Variants in KIF26B observed in about 807,000 individuals in gnomAD.
The protein encoded by KIF26B is kinesin family member 26B.
A neutral mutation model predicts 151.2 loss-of-function variants in KIF26B; 63 were observed. That is an observed-to-expected ratio of 0.42 (90% CI 0.34 to 0.51). KIF26B has a LOEUF of 0.51. KIF26B is among the 20% of genes least tolerant of loss of function. KIF26B has a pLI of 0.07. For missense variants in KIF26B, 2,813 were observed against 2,913.6 expected (o/e 0.97, Z 0.79); for synonymous variants, 1,357 against 1,262.1 (o/e 1.08, Z -1.59).
At chr1:245,208,753 G>T (rs1669455891) in intron 2 of KIF26B, among the ~76,000 whole-genome samples, 1 of 152,138 alleles carries the variant, frequency 6.6e-6, no homozygotes, top group Non-Finnish European at 1.5e-5. Flanking sequence ...GGGTTTCCAG[G>T]AGGGGATATA....
chr1:245,594,830 C>T (rs1199935602), intron 5 of KIF26B, among the ~76,000 whole-genome samples: 1 of 152,036 alleles, frequency 6.6e-6, no homozygotes, highest in Non-Finnish European at 1.5e-5. Context: ...TGTTTGTGTC[C>T]TCTCTTATTT....
chr1:245,461,428 C>T (rs1427892224), intron 4 of KIF26B, among the ~76,000 whole-genome samples: 1 of 152,042 alleles, frequency 6.6e-6, no homozygotes, highest in Non-Finnish European at 1.5e-5. Context: ...ATTACGATTG[C>T]ACCCCACCAT....
chr1:245,552,470 C>T (rs564479167), intron 5 of KIF26B, among the ~76,000 whole-genome samples: 21 of 152,018 alleles, frequency 1.4e-4, no homozygotes, highest in Non-Finnish European at 2.6e-4. Context: ...ATCTGAATAC[C>T]GGGGCCCAGC....
At chr1:245,443,207 A>G (rs1199597813) in intron 4 of KIF26B, among the ~76,000 whole-genome samples, 1 of 144,338 alleles carries the variant, frequency 6.9e-6, no homozygotes, top group African/African-American at 2.6e-5. Flanking sequence ...TAGAGCTGTC[A>G]TCTCCCTCAC....
chr1:245,444,432 C>T (rs1409360270), intron 4 of KIF26B, among the ~76,000 whole-genome samples: 2 of 152,242 alleles, frequency 1.3e-5, no homozygotes, highest in Non-Finnish European at 1.5e-5. Flanking sequence ...CCTACACCCG[C>T]CCCTCCTCCG....
intron 5 of KIF26B, among the ~76,000 whole-genome samples, chr1:245,585,811 A>G (rs888316842): frequency 6.6e-6 from 1 of 152,166 alleles, no homozygotes; most frequent in Admixed American, 6.5e-5. Flanking sequence ...ATTATCCTTC[A>G]TGCCAATCAC....
chr1:245,389,412 CA>C (rs533278303), intron 3 of KIF26B, among the ~76,000 whole-genome samples: 72 of 126,332 alleles, frequency 5.7e-4, no homozygotes, highest in Middle Eastern at 4.2e-3. Flanking sequence ...CACTCCTGGC[CA>C]AAAAAAAAAA....
chr1:245,477,076 A>C (rs1268173643), intron 4 of KIF26B, among the ~76,000 whole-genome samples: 1 of 151,812 alleles, frequency 6.6e-6, no homozygotes, highest in Non-Finnish European at 1.5e-5. Flanking sequence ...TGGCAAAATA[A>C]AGACTTTAGC....
intron 2 of KIF26B, among the ~76,000 whole-genome samples, chr1:245,294,772 C>T (rs930848279): frequency 2.0e-5 from 3 of 152,110 alleles, no homozygotes; most frequent in Non-Finnish European, 4.4e-5. Flanking sequence ...AAGCAATTCT[C>T]CTGTCTCAGC....
chr1:245,291,091 A>G (rs116004032), intron 2 of KIF26B, among the ~76,000 whole-genome samples: 2 of 152,264 alleles, frequency 1.3e-5, no homozygotes, highest in African/African-American at 4.8e-5. Context: ...GCAGGGCTGT[A>G]AGAAAGGGAG....
In KIF26B at chr1:245,597,436, A is replaced by C. The variant is rs2103141604; in HGVS notation, c.1351-5141A>C. On this transcript the variant is annotated intron_variant, in intron 5 of 14. Transcript: ENST00000407071. The surrounding 1 kb of genome is among the most constrained non-coding windows in gnomAD (Gnocchi z 4.6). ...AATTCTGGGTTGAAAATTCTTTAAG[A>C]GTGTTGACTATTGGCCCCCACCCTC... Among the ~76,000 whole-genome samples the C allele has an allele frequency of 6.6e-6, 1 of 152,118 alleles. No individual in the cohort carries two copies. The highest frequency in any genetic ancestry group is 1.9e-4 in the East Asian group (1 of 5,172).
At chr1:245,171,129 T>C (rs1235040096) in intron 2 of KIF26B, among the ~76,000 whole-genome samples, 1 of 152,224 alleles carries the variant, frequency 6.6e-6, no homozygotes, top group African/African-American at 2.4e-5. Context: ...TCCACGGACA[T>C]TGACAGGGTC....
intron 3 of KIF26B, among the ~76,000 whole-genome samples, chr1:245,390,943 A>AAAAACAAAACAAAACAAAACAAAAC (rs1553270126): frequency 8.4e-6 from 1 of 118,412 alleles, no homozygotes; most frequent in African/African-American, 4.1e-5. Context: ...AAAAAAAAAA[A>AAAAACAAAACAAAACAAAACAAAAC]AAAAAAAAAC....
intron 2 of KIF26B, among the ~76,000 whole-genome samples, chr1:245,253,154 C>A (rs556729784): frequency 6.6e-6 from 1 of 151,224 alleles, no homozygotes; most frequent in Non-Finnish European, 1.5e-5. Flanking sequence ...GGACTACAGG[C>A]GCCCACCACC....
intron 2 of KIF26B, among the ~76,000 whole-genome samples, chr1:245,286,184 T>C (rs1671162305): frequency 1.3e-5 from 2 of 152,034 alleles, no homozygotes; most frequent in Non-Finnish European, 2.9e-5. Context: ...TGTCACCTGG[T>C]CTCTGGGGGT....
intron 2 of KIF26B, among the ~76,000 whole-genome samples, chr1:245,200,433 T>A (rs1669277089): frequency 6.6e-6 from 1 of 152,212 alleles, no homozygotes; most frequent in Admixed American, 6.5e-5. Flanking sequence ...TTTTGGAATA[T>A]CATTAATGCA....
chr1:245,330,251 C>T (rs565461790), intron 2 of KIF26B, among the ~76,000 whole-genome samples: 29 of 149,204 alleles, frequency 1.9e-4, no homozygotes, highest in African/African-American at 6.2e-4. Flanking sequence ...CTTTTCCTAG[C>T]CAGGAGGGGC....
rs2044716081 is a variant in KIF26B, at chr1:245,698,004, T to C, written c.5825-102T>C. ...TGCAGTGAGCTATGGATCGCACCAC[T>C]GCACTCCAGCCTGGGCAACAGAGCA... On this transcript the variant is annotated intron_variant, in intron 12 of 14. Coordinates refer to ENST00000407071, the MANE Select transcript of KIF26B (RefSeq NM_018012.4). The surrounding 1 kb of genome is among the most constrained non-coding windows in gnomAD (Gnocchi z 4.0). 1.9e-6 allele frequency: 2 copies of C among 1,062,566 alleles called. No homozygotes were observed. The highest frequency in any genetic ancestry group is 3.2e-5 in the South Asian group (2 of 61,552). The allele number at this position is 1,062,566 out of a possible 1,614,324, so 65.8% of individuals were successfully genotyped here.
Position 245,425,438 on chromosome 1 carries a change from G to A in KIF26B, c.1166+5693G>A, listed in dbSNP as rs376026262. Among the ~76,000 whole-genome samples the A allele has an allele frequency of 8.3e-4, 126 of 152,082 alleles. 1 individual carries two copies. The South Asian group carries it at 0.024, about 29-fold the overall frequency. On this transcript the variant is annotated intron_variant, in intron 4 of 14. Transcript: ENST00000407071. ...TTTGTTTTTTTTGAGATGGAGTCTC[G>A]CTCTGTCGCCCAGGCTGGAGTGCAG...
Sources: allele counts gnomAD v4.1 joint callset (sites outside exome capture counted in the v4.1 genomes callset), GRCh38; gene constraint gnomAD v4.1.1; non-coding constraint Gnocchi (gnomAD v3.1); transcripts MANE v1.5; gene names NCBI Gene and HGNC (gene_info 2026-07-23, HGNC 2026-07-21).